Variants in SPATA31H1 observed in about 807,000 individuals in gnomAD.
SPATA31H1 encodes the protein SPATA31 subfamily H member 1.
At chr2:27,569,611 C>G in the SPATA31H1 span, 2 of 398,614 alleles carry the variant, frequency 5.0e-6, no homozygotes, top group African/African-American at 4.1e-5. Flanking sequence ...GGAGAAAAGT[C>G]TAAGCAGCTG....
the SPATA31H1 span, chr2:27,571,312 C>T: frequency 2.5e-6 from 1 of 398,286 alleles, no homozygotes; most frequent in Non-Finnish European, 4.4e-6. Flanking sequence ...GTGACCTTAA[C>T]TCCAGGACCA....
the SPATA31H1 span, chr2:27,579,880 C>A: frequency 1.9e-6 from 3 of 1,614,120 alleles, no homozygotes; most frequent in Non-Finnish European, 2.5e-6. Flanking sequence ...AGTCAAATAC[C>A]CCCCGATGTG....
the SPATA31H1 span, among the ~76,000 whole-genome samples, chr2:27,539,643 G>A: frequency 9.0e-6 from 1 of 110,500 alleles, no homozygotes; most frequent in Non-Finnish European, 1.8e-5. Flanking sequence ...ACACCTCCCA[G>A]ACGGGGCCGT....
At chr2:27,571,235 A>G in the SPATA31H1 span, 1 of 398,464 alleles carries the variant, frequency 2.5e-6, no homozygotes, top group East Asian at 3.6e-5. Flanking sequence ...TTGAGGAGGT[A>G]ACCCCGGGCT....
At chr2:27,579,095 T>C in the SPATA31H1 span, 2 of 1,614,182 alleles carry the variant, frequency 1.2e-6, no homozygotes, top group Non-Finnish European at 1.7e-6. Context: ...TTCAGAGACA[T>C]CTACCACAAA....
At chr2:27,569,476 T>A in the SPATA31H1 span, 1 of 398,946 alleles carries the variant, frequency 2.5e-6, no homozygotes, top group Non-Finnish European at 4.4e-6. Context: ...TCAGAGCCAC[T>A]ACTGCAAAAT....
At chr2:27,580,702 A>G in the SPATA31H1 span, 2 of 1,614,100 alleles carry the variant, frequency 1.2e-6, no homozygotes, top group Admixed American at 1.7e-5. Context: ...AAGCCTGTGG[A>G]CGGGACAAGG....
chr2:27,553,655 C>G, the SPATA31H1 span, among the ~76,000 whole-genome samples: 4 of 152,224 alleles, frequency 2.6e-5, no homozygotes, highest in African/African-American at 9.6e-5. Flanking sequence ...GGCATGGTGG[C>G]TTGTGCCTGT....
At chr2:27,544,853 C>T in the SPATA31H1 span, among the ~76,000 whole-genome samples, 1 of 151,842 alleles carries the variant, frequency 6.6e-6, no homozygotes, top group East Asian at 1.9e-4. Context: ...CGGCCGACAA[C>T]AACAAATTTT....
chr2:27,582,056 G>T, the SPATA31H1 span: 7 of 1,613,438 alleles, frequency 4.3e-6, no homozygotes, highest in Non-Finnish European at 5.9e-6. Flanking sequence ...CCTCTGAGAG[G>T]AGATCTCACA....
chr2:27,574,780 C>T, the SPATA31H1 span: 15 of 398,256 alleles, frequency 3.8e-5, no homozygotes, highest in East Asian at 1.1e-4. Flanking sequence ...GAGTTCAACT[C>T]GGGCCCACAG....
chr2:27,581,440 A>G, the SPATA31H1 span: 3 of 1,613,846 alleles, frequency 1.9e-6, no homozygotes, highest in Non-Finnish European at 2.5e-6. Flanking sequence ...AGGAGCTGTC[A>G]CAGTCTCTCT....
chr2:27,566,411 G>T, the SPATA31H1 span: 2 of 716,288 alleles, frequency 2.8e-6, no homozygotes, highest in African/African-American at 3.5e-5. Flanking sequence ...TCTGGGTGGG[G>T]ATTGAAGGTG....
the SPATA31H1 span, among the ~76,000 whole-genome samples, chr2:27,542,468 A>G: frequency 3.3e-5 from 5 of 152,042 alleles, no homozygotes; most frequent in Admixed American, 3.3e-4. Flanking sequence ...GCTCACATGT[A>G]ACTAGAGGCT....
the SPATA31H1 span, chr2:27,565,545 T>G: frequency 1.5e-6 from 1 of 646,574 alleles, no homozygotes; most frequent in South Asian, 1.9e-5. Context: ...TGTCTAAAGA[T>G]ATGTATGTAT....
chr2:27,549,321 T>A, the SPATA31H1 span, among the ~76,000 whole-genome samples: 5 of 151,728 alleles, frequency 3.3e-5, no homozygotes, highest in East Asian at 9.6e-4. Context: ...GTATTTTAAA[T>A]GTCATTTTCT....
the SPATA31H1 span, chr2:27,574,018 A>G: frequency 5.0e-6 from 2 of 398,392 alleles, no homozygotes; most frequent in Middle Eastern, 6.2e-4. Context: ...AAGTTTAGAG[A>G]GTTAAACCCC....
At chr2:27,570,654 G>A in the SPATA31H1 span, 1 of 398,810 alleles carries the variant, frequency 2.5e-6, no homozygotes, top group Non-Finnish European at 4.4e-6. Flanking sequence ...GTTAAACTCA[G>A]GGCCACAGCT....
At chr2:27,565,435 T>C in the SPATA31H1 span, 1 of 716,978 alleles carries the variant, frequency 1.4e-6, no homozygotes. Context: ...AGACCAATTG[T>C]GGGTCAGCCT....
Sources: gnomAD v4.1 joint callset for allele counts (sites outside exome capture counted in the v4.1 genomes callset) on GRCh38, gnomAD v4.1.1 for gene constraint, MANE v1.5 for transcripts, NCBI Gene and HGNC (gene_info 2026-07-23, HGNC 2026-07-21) for gene names.